ACYP2: variants seen among roughly 807,000 people sequenced by gnomAD.
The protein encoded by ACYP2 is acylphosphatase 2, also known as acylphosphatase-2.
In ACYP2, 12 loss-of-function variants were observed where a neutral mutation model predicts 11.2. That is an observed-to-expected ratio of 1.08 (90% CI 0.69 to 1.74). The LOEUF (loss-of-function observed/expected upper bound fraction) is 1.74. ACYP2 is among the 40% of genes most tolerant of loss of function. The pLI, the probability that ACYP2 is intolerant of heterozygous loss-of-function variation, is 0.00. For missense variants in ACYP2, 134 were observed against 101.9 expected, an observed-to-expected ratio of 1.31 and a Z score of -1.35; for synonymous variants, 43 against 32.2, an observed-to-expected ratio of 1.33 and a Z score of -1.13.
intron 2 of ACYP2, among the ~76,000 whole-genome samples, chr2:53,995,330 A>T (rs1399783378): frequency 2.6e-5 from 4 of 152,174 alleles, no homozygotes; most frequent in Non-Finnish European, 4.4e-5. Context: ...CAGCATGTAT[A>T]AAACATCCAT....
Position 54,228,430 on chromosome 2 carries a change from G to A in ACYP2, c.405-76258G>A, listed in dbSNP as rs187202961. On this transcript the variant is annotated intron_variant, in intron 6 of 6. Transcript: ENST00000607452. The stretch of plus-strand genomic sequence containing the variant: ...GTGTCTTTATTCCCATTTTGGAGAT[G>A]AAGAAATCAAGGTATACAGTAGTTA... 2.1e-3 allele frequency among the ~76,000 whole-genome samples: 313 copies of A among 152,308 alleles called. 1 individual carries two copies. The highest frequency in any genetic ancestry group is 7.2e-3 in the African/African-American group (300 of 41,562).
At chr2:54,038,321 C>T (rs1428437795) in intron 2 of ACYP2, among the ~76,000 whole-genome samples, 1 of 152,154 alleles carries the variant, frequency 6.6e-6, no homozygotes, top group African/African-American at 2.4e-5. Context: ...TGACCCTTTT[C>T]CCGTCTTCTT....
At chr2:54,150,929 G>C (rs1369970834) in intron 6 of ACYP2, among the ~76,000 whole-genome samples, 1 of 150,574 alleles carries the variant, frequency 6.6e-6, no homozygotes, top group Non-Finnish European at 1.5e-5. Context: ...TTTTAGTAGA[G>C]ACGGGGTTTC....
At chr2:54,152,457 T>A (rs72800775) in intron 6 of ACYP2, among the ~76,000 whole-genome samples, 15,199 of 152,108 alleles carry the variant, frequency 0.1, 852 homozygotes, top group Non-Finnish European at 0.13. Flanking sequence ...ATTCTACTGG[T>A]TTTGATAAAT....
intron 6 of ACYP2, among the ~76,000 whole-genome samples, chr2:54,223,275 C>G (rs843759): frequency 7.2e-5 from 11 of 151,874 alleles, no homozygotes; most frequent in Non-Finnish European, 5.9e-5. Context: ...TGGTGAGAAC[C>G]GAAAGCATCT....
chr2:54,197,792 C>G (rs1368277374), intron 6 of ACYP2, among the ~76,000 whole-genome samples: 1 of 152,122 alleles, frequency 6.6e-6, no homozygotes, highest in Non-Finnish European at 1.5e-5. Flanking sequence ...GGTCAAAAGA[C>G]TGGGGAGGGA....
At chr2:54,204,471 C>T (rs979433835) in intron 6 of ACYP2, among the ~76,000 whole-genome samples, 1 of 151,986 alleles carries the variant, frequency 6.6e-6, no homozygotes, top group Admixed American at 6.6e-5. Context: ...GAATGCAGTC[C>T]TTTTTTCTTA....
At chr2:54,006,114 G>C (rs1484711612) in intron 2 of ACYP2, among the ~76,000 whole-genome samples, 2 of 152,092 alleles carry the variant, frequency 1.3e-5, no homozygotes, top group Non-Finnish European at 2.9e-5. Flanking sequence ...TTTCTGAGTA[G>C]CTGGGACTAC....
At chr2:54,067,035 G>A (rs1171165286) in intron 4 of ACYP2, among the ~76,000 whole-genome samples, 2 of 152,184 alleles carry the variant, frequency 1.3e-5, no homozygotes, top group Non-Finnish European at 2.9e-5. Flanking sequence ...CAGAGCCTCT[G>A]TCTCCTCTGA....
intron 2 of ACYP2, among the ~76,000 whole-genome samples, chr2:54,029,182 T>C (rs1674449948): frequency 6.6e-6 from 1 of 151,820 alleles, no homozygotes; most frequent in Non-Finnish European, 1.5e-5. Flanking sequence ...GAAAAAAAAA[T>C]CTGCCCTTTG....
chr2:53,976,909 G>A lies in ACYP2; in HGVS notation c.62+3099G>A, dbSNP rs560053783. The stretch of plus-strand genomic sequence containing the variant: ...TGGGCTTCTTTTTGTTTATTTTTGG[G>A]GGGATTTGTATTTCTTGAATCAAAA... On this transcript the variant is annotated intron_variant, in intron 2 of 6. Transcript: ENST00000607452. 2.0e-5 allele frequency among the ~76,000 whole-genome samples: 3 copies of A among 152,060 alleles called. 1 individual carries two copies. Among genetic ancestry groups the A allele is most frequent in the Admixed American group, 6.6e-5 (1 of 15,258 alleles).
intron 6 of ACYP2, among the ~76,000 whole-genome samples, chr2:54,175,737 T>C (rs889136937): frequency 6.6e-6 from 1 of 152,170 alleles, no homozygotes; most frequent in South Asian, 2.1e-4. Flanking sequence ...CTGCCAGTTA[T>C]TTCCCAGCAT....
At chr2:54,011,609 C>A (rs1037112772) in intron 2 of ACYP2, among the ~76,000 whole-genome samples, 1 of 152,128 alleles carries the variant, frequency 6.6e-6, no homozygotes, top group African/African-American at 2.4e-5. Flanking sequence ...ATTGCCCTTT[C>A]CCTAGTGGAA....
At chr2:54,263,445 T>C (rs1369218560) in intron 6 of ACYP2, among the ~76,000 whole-genome samples, 1 of 152,124 alleles carries the variant, frequency 6.6e-6, no homozygotes, top group East Asian at 1.9e-4. Flanking sequence ...TCCAACCATA[T>C]CACCGTGTCT....
intron 4 of ACYP2, among the ~76,000 whole-genome samples, chr2:54,108,398 C>T (rs1392550689): frequency 6.6e-6 from 1 of 152,220 alleles, no homozygotes; most frequent in Non-Finnish European, 1.5e-5. Context: ...GACACGAAGG[C>T]CCTTGTTGTC....
chr2:54,300,899 G>A (rs1021827073), intron 6 of ACYP2, among the ~76,000 whole-genome samples: 3 of 152,196 alleles, frequency 2.0e-5, no homozygotes, highest in Non-Finnish European at 4.4e-5. Flanking sequence ...CATTCCATAA[G>A]TGACAGATGG....
intron 4 of ACYP2, among the ~76,000 whole-genome samples, chr2:54,096,594 G>A (rs1208292324): frequency 6.6e-6 from 1 of 152,166 alleles, no homozygotes; most frequent in East Asian, 1.9e-4. Context: ...ACCTCGGGAG[G>A]CCGAGGCTGG....
chr2:54,304,716 C>A lies in ACYP2; in HGVS notation c.433C>A (p.Pro145Thr), dbSNP rs1305184702. The change falls in exon 7 of 7, where the codon CCT (proline) becomes ACT (threonine). Residue 145 changes from proline to threonine, a missense_variant. Coordinates refer to ENST00000607452, the MANE Select transcript of ACYP2 (RefSeq NM_001320586.2). ...GTCCTGGCTGAGCAAGGTTGGAAGCCCTAGTTCTCGCATTGACCGCACAAA... is the reference window on the plus strand; with the variant it reads ...GTCCTGGCTGAGCAAGGTTGGAAGCACTAGTTCTCGCATTGACCGCACAAA... The A allele has an allele frequency of 1.2e-6, 2 of 1,611,028 alleles. No individual in the cohort carries two copies. The highest frequency in any genetic ancestry group is 2.7e-5 in the African/African-American group (2 of 74,834).
At chr2:54,194,122 T>C (rs1684352497) in intron 6 of ACYP2, among the ~76,000 whole-genome samples, 2 of 152,126 alleles carry the variant, frequency 1.3e-5, no homozygotes, top group Non-Finnish European at 2.9e-5. Context: ...CACTGCAACC[T>C]CTGTCTCCCA....
Sources: allele counts gnomAD v4.1 joint callset (sites outside exome capture counted in the v4.1 genomes callset), GRCh38; gene constraint gnomAD v4.1.1; transcripts MANE v1.5; gene names NCBI Gene and HGNC (gene_info 2026-07-23, HGNC 2026-07-21).